Variants in OAS3 observed in about 807,000 individuals in gnomAD.
OAS3 encodes the protein 2'-5'-oligoadenylate synthase 3.
In OAS3, 107 loss-of-function variants were observed where a neutral mutation model predicts 113.0. The ratio of observed to expected loss-of-function variants is 0.95; its 90% CI spans 0.81 to 1.11. OAS3 has a LOEUF of 1.11. Among genes scored for constraint, OAS3 ranks in the 50% most tolerant of loss-of-function variants. The pLI is 0.00. For missense variants in OAS3, 1,258 were observed against 1,389.1 expected (o/e 0.91, Z 1.50); for synonymous variants, 552 against 573.6 (o/e 0.96, Z 0.54).
In OAS3 at chr12:112,961,212, A is replaced by G. The variant is rs762627637; in HGVS notation, c.1799A>G (p.Asn600Ser). 2.5e-6 allele frequency: 4 copies of G among 1,613,090 alleles called. No homozygotes were observed. In the Admixed American group the frequency reaches 6.7e-5, roughly 27 times the overall value. Residue 600 changes from asparagine to serine, a missense_variant, in exon 8 of 16, where the codon AAC (asparagine) becomes AGC (serine). Physicochemically the swap from Asn to Ser is conservative, Grantham distance 46. Coordinates refer to ENST00000228928, the MANE Select transcript of OAS3 (RefSeq NM_006187.4). ...FMNIRPVKLK[N>S]LILLVKHWYR... is the part of the protein sequence containing the mutation. ...AACATTCGCCCTGTCAAGCTGAAGA[A>G]CCTGATTCTGCTGGTGAAGCACTGG...
In OAS3 at chr12:112,950,944, T is replaced by C; in HGVS notation, c.1626T>C (p.Asp542=). 6.2e-7 allele frequency: 1 copy of C among 1,613,728 alleles called. No individual in the cohort carries two copies. The highest frequency in any genetic ancestry group is 8.5e-7 in the Non-Finnish European group (1 of 1,179,698). ...CCACAGCCCTGAAGAGCTGGACGGA[T>C]GTTAGCCTGCTGCCTGCCTTCGATG... ...LVSTALKSWT[D]VSLLPAFDAV... The change falls in exon 7 of 16, where the codon GAT becomes GAC. Residue 542 remains aspartate (D), a synonymous_variant. Transcript: ENST00000228928.
chr12:112,969,956 C>T lies in OAS3; in HGVS notation c.3253-6C>T. The T allele has an allele frequency of 6.2e-7, 1 of 1,607,590 alleles. No homozygotes were observed. The highest frequency in any genetic ancestry group is 8.5e-7 in the Non-Finnish European group (1 of 1,176,894). On this transcript the variant is annotated splice_region_variant and splice_polypyrimidine_tract_variant and intron_variant, in intron 15 of 15. Transcript: ENST00000228928. The stretch of plus-strand genomic sequence containing the variant: ...GTTACCAACATCTCTTATAATACTT[C>T]CCCAGGCTGCTGTGTGAAGTTGAGA...
chr12:112,963,267 T>G lies in OAS3; in HGVS notation c.2085-46T>G. 6.6e-7 allele frequency: 1 copy of G among 1,519,950 alleles called. No individual in the cohort carries two copies. Among genetic ancestry groups the G allele is most frequent in the South Asian group, 1.3e-5 (1 of 77,974 alleles). The allele number at this position is 1,519,950 out of a possible 1,614,324, so 94.2% of individuals were successfully genotyped here. On this transcript the variant is annotated intron_variant, in intron 9 of 15. Transcript: ENST00000228928. This position sits in a 1 kb window ranked among gnomAD's most constrained non-coding sequence, Gnocchi z 4.6. ...TCAGCCCTTCCACCCGCCTCCTCTTTCACTGACTCCCACCTTCCCCACCCA... is the reference window on the plus strand; with the variant it reads ...TCAGCCCTTCCACCCGCCTCCTCTTGCACTGACTCCCACCTTCCCCACCCA...
chr12:112,948,101 T>C lies in OAS3; in HGVS notation c.1029+2T>C. 6.6e-7 allele frequency: 1 copy of C among 1,522,406 alleles called. No homozygotes were observed. The highest frequency in any genetic ancestry group is 8.8e-7 in the Non-Finnish European group (1 of 1,136,878). The allele number at this position is 1,522,406 out of a possible 1,614,324, so 94.3% of individuals were successfully genotyped here. On this transcript the variant is annotated splice_donor_variant, in intron 5 of 15. Coordinates refer to ENST00000228928, the MANE Select transcript of OAS3 (RefSeq NM_006187.4). LOFTEE classifies it high-confidence loss of function. ...CCAGTGCAGTCTTGGAAGGGGCCGG[T>C]AAGTGAGGGGGCCCCAGGACCCTTG...
chr12:112,965,847 G>A lies in OAS3; in HGVS notation c.2507G>A (p.Arg836Gln), dbSNP rs562813776. 6.8e-6 allele frequency: 11 copies of A among 1,613,818 alleles called. No homozygotes were observed. Among genetic ancestry groups the A allele is most frequent in the East Asian group, 2.2e-5 (1 of 44,874 alleles). The change falls in exon 12 of 16, where the codon CGG becomes CAG. Residue 836 changes from arginine (R) to glutamine (Q), a missense_variant. Transcript: ENST00000228928. ...CAGTTCACTGAGCAGGGCAACAAGCGGGCCGAGATCATCTCCGAGATCCGA... is the reference window on the plus strand; with the variant it reads ...CAGTTCACTGAGCAGGGCAACAAGCAGGCCGAGATCATCTCCGAGATCCGA... ...FSQFTEQGNK[R>Q]AEIISEIRAQ... is the part of the protein sequence containing the mutation.
At chr12:112,955,532 G>T (rs1204719536) in intron 7 of OAS3, among the ~76,000 whole-genome samples, 1 of 152,174 alleles carries the variant, frequency 6.6e-6, no homozygotes, top group Non-Finnish European at 1.5e-5. Context: ...AGCATGAAGG[G>T]CTGTTGAATT....
At chr12:112,943,651 C>T (rs1049300679) in intron 2 of OAS3, among the ~76,000 whole-genome samples, 1 of 152,152 alleles carries the variant, frequency 6.6e-6, no homozygotes, top group Non-Finnish European at 1.5e-5. Context: ...GTACTTGCCT[C>T]ATAGGGTTGT....
chr12:112,941,913 A>C, intron 2 of OAS3, 61 bp downstream of exon 2: 1 of 1,604,734 alleles, frequency 6.2e-7, no homozygotes, highest in Non-Finnish European at 8.5e-7. Context: ...ACAACACAGG[A>C]CTTCCAATTC....
intron 12 of OAS3, among the ~76,000 whole-genome samples, chr12:112,966,924 G>T (rs139613238): frequency 6.6e-6 from 1 of 152,172 alleles, no homozygotes; most frequent in Non-Finnish European, 1.5e-5. Flanking sequence ...GATTACAGAC[G>T]TAAGCCACTG....
At chr12:112,967,270 CT>C (rs1455630250) in intron 12 of OAS3, 147 bp from the exon 13 acceptor site, 4 of 679,464 alleles carry the variant, frequency 5.9e-6, no homozygotes, top group Non-Finnish European at 9.9e-6. Context: ...TGTGTTCCAC[CT>C]AAAAACACCC....
intron 11 of OAS3, 124 bp from the exon 12 acceptor site, chr12:112,965,620 G>A: frequency 1.2e-6 from 1 of 810,636 alleles, no homozygotes; most frequent in South Asian, 1.8e-5. Context: ...CCATATTAAA[G>A]ATCTAACACA....
At chr12:112,969,474 C>T in intron 14 of OAS3, 134 bp from the exon 15 acceptor site, 2 of 992,918 alleles carry the variant, frequency 2.0e-6, no homozygotes, top group Non-Finnish European at 3.0e-6. Flanking sequence ...TGTATAGGAG[C>T]ACTGAGGAAT....
At position 112,963,577 on chromosome 12, in the gene OAS3, GC is replaced by G; in HGVS notation, c.2229+122del. ...GAGTGTTGGTGGCTGACAACTCATA[GC>G]CACCCCTTCTCTGGAGACTTGCCTT... On this transcript the variant is annotated intron_variant, in intron 10 of 15. Transcript: ENST00000228928. The surrounding 1 kb of genome is among the most constrained non-coding windows in gnomAD (Gnocchi z 4.6). 2.0e-6 allele frequency: 2 copies of G among 996,736 alleles called. No homozygotes were observed. Among genetic ancestry groups the G allele is most frequent in the South Asian group, 2.3e-5 (1 of 44,184 alleles). The allele number at this position is 996,736 out of a possible 1,614,324, so 61.7% of individuals were successfully genotyped here. A position where few individuals can be genotyped will look rare whatever the true frequency, so the allele number is the denominator to read the frequency against.
chr12:112,948,502 C>CA (rs35812521), intron 5 of OAS3, among the ~76,000 whole-genome samples: 30,029 of 99,412 alleles, frequency 0.3, 5,089 homozygotes, highest in East Asian at 0.76. Flanking sequence ...GACTCCGTCC[C>CA]AAAAAAAAAA....
rs374163815 is a variant in OAS3 at position 112,941,680 on chromosome 12, G to T, written c.288G>T (p.Glu96Asp). The T allele has an allele frequency of 8.6e-5, 139 of 1,613,944 alleles. No individual in the cohort carries two copies. The highest frequency in any genetic ancestry group is 1.2e-4 in the Non-Finnish European group (136 of 1,179,912). Residue 96 changes from glutamate (E) to aspartate (D), a missense_variant, in exon 2 of 16, where the codon GAG becomes GAT. Transcript: ENST00000228928. The stretch of plus-strand genomic sequence containing the variant: ...TGGACCAGAGGGCCCGCCGTGCAGA[G>T]ATCCTCAGTGAGATGCGGGCATCGC... ...SYVDQRARRA[E>D]ILSEMRASLE...
chr12:112,944,579 G>A lies in OAS3; in HGVS notation c.564G>A (p.Arg188=). The change falls in exon 3 of 16, where the codon CGG becomes CGA. Residue 188 remains arginine, a synonymous_variant. Coordinates refer to ENST00000228928, the MANE Select transcript of OAS3 (RefSeq NM_006187.4). ...ATGCGGCCTGCTTCACAGAGCTGCGGAGGAACTTTGTGAACATTCGCCCAG... is the reference window on the plus strand; with the variant it reads ...ATGCGGCCTGCTTCACAGAGCTGCGAAGGAACTTTGTGAACATTCGCCCAG... ...GEHAACFTEL[R]RNFVNIRPAK... 1 of 1,614,058 alleles carries A rather than the reference G, an allele frequency of 6.2e-7. No homozygotes were observed. Among genetic ancestry groups the A allele is most frequent in the African/African-American group, 1.3e-5 (1 of 75,060 alleles).
At chr12:112,950,556 C>T (rs573764868) in intron 6 of OAS3, 137 bp from the exon 7 acceptor site, 3 of 1,001,254 alleles carry the variant, frequency 3.0e-6, no homozygotes, top group Non-Finnish European at 4.5e-6. Flanking sequence ...ATGCAGTCGA[C>T]CTTTGTCATA....
Position 112,971,847 on chromosome 12 carries a change from C to T in OAS3, c.*1874C>T, listed in dbSNP as rs2043986893. The T allele has an allele frequency of 1.3e-5, 2 of 152,460 alleles. No individual in the cohort carries two copies. The highest frequency in any genetic ancestry group is 3.4e-3 in the Middle Eastern group (1 of 294). 9.4% of individuals were successfully genotyped at this position (152,460 alleles called of 1,614,324 possible). A position where few individuals can be genotyped will look rare whatever the true frequency, so the allele number is the denominator to read the frequency against. ...GCTTCTAATACCTGTGCCATATTGA[C>T]AGCCTCCATCCCTGTCCCCCATCTT... On this transcript the variant is annotated 3_prime_UTR_variant, in exon 16 of 16. Coordinates refer to ENST00000228928, the MANE Select transcript of OAS3 (RefSeq NM_006187.4).
intron 4 of OAS3, among the ~76,000 whole-genome samples, chr12:112,947,228 C>G (rs541362115): frequency 6.6e-6 from 1 of 152,180 alleles, no homozygotes; most frequent in African/African-American, 2.4e-5. Flanking sequence ...TGATGTATAG[C>G]AGAAAGTGCA....
Sources: allele counts gnomAD v4.1 joint callset (sites outside exome capture counted in the v4.1 genomes callset), GRCh38; gene constraint gnomAD v4.1.1; non-coding constraint Gnocchi (gnomAD v3.1); transcripts MANE v1.5; gene names NCBI Gene and HGNC (gene_info 2026-07-23, HGNC 2026-07-21).